MKLN1: variants seen among roughly 807,000 people sequenced by gnomAD.
MKLN1 encodes muskelin 1.
A neutral mutation model predicts 99.0 loss-of-function variants in MKLN1; 18 were observed. The ratio of observed to expected loss-of-function variants is 0.18; its 90% CI spans 0.13 to 0.27. MKLN1 has a LOEUF of 0.27. Ranked by LOEUF, MKLN1 falls within the 10% of genes least tolerant of loss-of-function variation. The pLI, the probability that MKLN1 is intolerant of heterozygous loss-of-function variation, is 1.00. For missense variants in MKLN1, 621 were observed against 875.9 expected (o/e 0.71, Z 3.67); for synonymous variants, 288 against 293.2 (o/e 0.98, Z 0.18).
rs1796337426 is a variant in MKLN1 at position 131,178,740 on chromosome 7, T to C, written c.-296-24117T>C. On this transcript the variant is annotated intron_variant, in intron 2 of 7. Transcript: ENST00000416992. Reference sequence around the variant, plus strand: ...TTCTCAGGTTAAACACTCCTGCTTTTGGAGTTCCCTGACATATATCTGCCC... The same window carrying C: ...TTCTCAGGTTAAACACTCCTGCTTTCGGAGTTCCCTGACATATATCTGCCC... 2.0e-5 allele frequency among the ~76,000 whole-genome samples: 3 copies of C among 152,222 alleles called. No individual in the cohort carries two copies. In the South Asian group the frequency reaches 6.2e-4, roughly 32 times the overall value.
chr7:131,338,836 T>C (rs967920885), intron 1 of MKLN1, among the ~76,000 whole-genome samples: 3 of 152,216 alleles, frequency 2.0e-5, no homozygotes, highest in African/African-American at 7.2e-5. Flanking sequence ...GATTTGAATT[T>C]GCAGATCTAC....
chr7:131,254,185 T>C lies in MKLN1; in HGVS notation c.-179+51211T>C, dbSNP rs114813553. Among the ~76,000 whole-genome samples, 919 of 152,276 alleles carry C rather than the reference T, an allele frequency of 6.0e-3. 9 individuals are homozygous for C. The highest frequency in any genetic ancestry group is 0.022 in the African/African-American group (895 of 41,566). On this transcript the variant is annotated intron_variant, in intron 3 of 7. Coordinates refer to the MKLN1 transcript ENST00000416992. ...TGCCATCCCGAGGGGGCTGTGCACA[T>C]GACCAACCCTGTACCTTTTGAGGAG... is the stretch of plus-strand genomic sequence containing the variant.
chr7:131,173,882 C>T (rs1796252300), intron 2 of MKLN1, among the ~76,000 whole-genome samples: 1 of 151,968 alleles, frequency 6.6e-6, no homozygotes, highest in Non-Finnish European at 1.5e-5. Context: ...TCATTTACTA[C>T]AGATTTTCTT....
At chr7:131,246,452 AT>A (rs1420322599) in intron 3 of MKLN1, among the ~76,000 whole-genome samples, 1 of 152,168 alleles carries the variant, frequency 6.6e-6, no homozygotes, top group East Asian at 1.9e-4. Context: ...CTAAACCCAC[AT>A]TTTAGGCAGA....
chr7:131,209,328 G>A (rs1315444714), intron 3 of MKLN1, among the ~76,000 whole-genome samples: 2 of 152,202 alleles, frequency 1.3e-5, no homozygotes, highest in Admixed American at 6.5e-5. Flanking sequence ...ATTGCAGAGA[G>A]CAAGGGTGGA....
At chr7:131,376,768 T>C (rs1793679078) in intron 2 of MKLN1, among the ~76,000 whole-genome samples, 4 of 151,868 alleles carry the variant, frequency 2.6e-5, no homozygotes, top group Admixed American at 2.0e-4. Flanking sequence ...AAGCCTCCTT[T>C]GAGCCCCCTC....
At chr7:131,242,856 A>G in intron 3 of MKLN1, 1 of 663,464 alleles carries the variant, frequency 1.5e-6, no homozygotes, top group Non-Finnish European at 2.9e-6. Flanking sequence ...CTCTGTGGAT[A>G]TCCCCTTGGA....
intron 1 of MKLN1, among the ~76,000 whole-genome samples, chr7:131,334,476 TC>T (rs1462766893): frequency 6.6e-6 from 1 of 152,236 alleles, no homozygotes; most frequent in Non-Finnish European, 1.5e-5. Context: ...CAGAGCTGAT[TC>T]CTAGAATTAG....
At chr7:131,408,498 G>A in intron 6 of MKLN1, among the ~76,000 whole-genome samples, 1 of 152,064 alleles carries the variant, frequency 6.6e-6, no homozygotes, top group Non-Finnish European at 1.5e-5. Context: ...ATACAACTAG[G>A]CAGCAGTACT....
At chr7:131,205,716 C>A (rs1352117055) in intron 3 of MKLN1, among the ~76,000 whole-genome samples, 1 of 151,986 alleles carries the variant, frequency 6.6e-6, no homozygotes, top group Non-Finnish European at 1.5e-5. Flanking sequence ...AACACCGAGG[C>A]CTTTTTATCT....
intron 2 of MKLN1, among the ~76,000 whole-genome samples, chr7:131,166,246 A>G (rs1796122568): frequency 6.6e-6 from 1 of 152,134 alleles, no homozygotes; most frequent in South Asian, 2.1e-4. Context: ...TATGGTTTTG[A>G]GCATTGGTGA....
chr7:131,425,671 A>G (rs1307087251), intron 8 of MKLN1, among the ~76,000 whole-genome samples: 1 of 152,206 alleles, frequency 6.6e-6, no homozygotes, highest in Non-Finnish European at 1.5e-5. Context: ...GAAAAAATAT[A>G]GAGAAGGGGT....
Position 131,487,980 on chromosome 7 carries a change from TA to T in MKLN1, c.*253del, listed in dbSNP as rs1421587374. On this transcript the variant is annotated 3_prime_UTR_variant, in exon 18 of 18. Coordinates refer to ENST00000352689, the MANE Select transcript of MKLN1 (RefSeq NM_013255.5). This position sits in a 1 kb window ranked among gnomAD's most constrained non-coding sequence, Gnocchi z 4.7. ...TTCCAGTTAAATATATATATATATA[TA>T]TTTTTTCTTACTTTATCTTTTAAGA... 1.2e-5 allele frequency: 2 copies of T among 172,136 alleles called. No homozygotes were observed. The highest frequency in any genetic ancestry group is 2.4e-5 in the Non-Finnish European group (2 of 82,544). 10.7% of individuals were successfully genotyped at this position (172,136 alleles called of 1,614,324 possible).
At chr7:131,325,904 G>GT, upstream of MKLN1, among the ~76,000 whole-genome samples, 2 of 149,642 alleles carry the variant, frequency 1.3e-5, no homozygotes, top group Admixed American at 1.3e-4. Flanking sequence ...GAAAAGTGGG[G>GT]GGGGGGTGGT....
At chr7:131,192,079 A>ATG (rs1796553686) in intron 2 of MKLN1, among the ~76,000 whole-genome samples, 1 of 71,670 alleles carries the variant, frequency 1.4e-5, no homozygotes, top group Non-Finnish European at 2.6e-5. Flanking sequence ...ATATATATAC[A>ATG]TATATATTAT....
At chr7:131,439,105 T>C (rs1795755171) in intron 10 of MKLN1, among the ~76,000 whole-genome samples, 1 of 152,130 alleles carries the variant, frequency 6.6e-6, no homozygotes, top group South Asian at 2.1e-4. Context: ...TTAACTGAGC[T>C]CCACAGAGCT....
At chr7:131,368,057 TAATG>T (rs1444915235) in intron 1 of MKLN1, among the ~76,000 whole-genome samples, 5 of 152,146 alleles carry the variant, frequency 3.3e-5, no homozygotes, top group African/African-American at 4.8e-5. Context: ...GGGAGGATAA[TAATG>T]AATATGTTTT....
chr7:131,305,415 GGAA>G (rs1798439340), intron 3 of MKLN1, among the ~76,000 whole-genome samples: 1 of 152,076 alleles, frequency 6.6e-6, no homozygotes, highest in Non-Finnish European at 1.5e-5. Context: ...AACTTATTTG[GGAA>G]GAAATGTGAT....
At chr7:131,463,525 A>G (rs1013222368) in intron 13 of MKLN1, among the ~76,000 whole-genome samples, 161 bp downstream of exon 13, 3 of 152,186 alleles carry the variant, frequency 2.0e-5, no homozygotes, top group South Asian at 4.1e-4. Flanking sequence ...TATGTATACA[A>G]TGATGTTCAG....
Sources: gnomAD v4.1 joint callset for allele counts (sites outside exome capture counted in the v4.1 genomes callset) on GRCh38, gnomAD v4.1.1 for gene constraint, Gnocchi (gnomAD v3.1) non-coding constraint, MANE v1.5 for transcripts, NCBI Gene and HGNC (gene_info 2026-07-23, HGNC 2026-07-21) for gene names.